BOC: variants seen among roughly 807,000 people sequenced by gnomAD.
BOC encodes BOC cell adhesion associated, oncogene regulated.
In BOC, 76 loss-of-function variants were observed where a neutral mutation model predicts 112.0. That is an observed-to-expected ratio of 0.68 (90% CI 0.56 to 0.82). The LOEUF (loss-of-function observed/expected upper bound fraction) is 0.82, where lower values mean the gene tolerates loss of function less well. Ranked by LOEUF, BOC falls within the 40% of genes least tolerant of loss-of-function variation. The pLI, the probability that BOC is intolerant of heterozygous loss-of-function variation, is 0.00. For missense variants in BOC, 1,309 were observed against 1,511.7 expected (o/e 0.87, Z 2.22); for synonymous variants, 580 against 599.8 (o/e 0.97, Z 0.48).
chr3:113,270,662 G>T, intron 5 of BOC, 139 bp from the exon 6 acceptor site: 1 of 937,594 alleles, frequency 1.1e-6, no homozygotes, highest in Non-Finnish European at 1.6e-6. Context: ...GCTTTGTCTT[G>T]TGGGGACTCA....
At chr3:113,216,550 A>G in intron 2 of BOC, 2 of 240,808 alleles carry the variant, frequency 8.3e-6, no homozygotes, top group Non-Finnish European at 1.7e-5. Flanking sequence ...TTGGAGTCCA[A>G]GCTTGCTGTG....
At chr3:113,282,141 A>C (rs992436728) in intron 15 of BOC, among the ~76,000 whole-genome samples, 1 of 152,096 alleles carries the variant, frequency 6.6e-6, no homozygotes, top group African/African-American at 2.4e-5. Flanking sequence ...AATGCCTAGG[A>C]AAGAGGCCAC....
chr3:113,243,516 A>C (rs1484088672), intron 2 of BOC, among the ~76,000 whole-genome samples: 1 of 152,234 alleles, frequency 6.6e-6, no homozygotes, highest in Non-Finnish European at 1.5e-5. Context: ...TTAGTTCTGC[A>C]GTGCATGTGT....
chr3:113,240,266 C>T (rs780374109), intron 2 of BOC, among the ~76,000 whole-genome samples: 12 of 152,204 alleles, frequency 7.9e-5, no homozygotes, highest in African/African-American at 1.9e-4. Flanking sequence ...ACAACAACAA[C>T]GAGCACAGTG....
Position 113,245,704 on chromosome 3 carries a change from A to C in BOC, c.-81-4018A>C, listed in dbSNP as rs531846766. ...TCATGTAGCTAGTCCCTCTCTACCA[A>C]TGGAACAAAAGACTTTGTCAGATCG... On this transcript the variant is annotated intron_variant, in intron 2 of 19. Coordinates refer to ENST00000682979, the MANE Select transcript of BOC (RefSeq NM_001378074.1). Among the ~76,000 whole-genome samples, 6 of 152,344 alleles carry C rather than the reference A, an allele frequency of 3.9e-5. No homozygotes were observed. In the South Asian group the frequency reaches 1.2e-3, roughly 32 times the overall value.
rs930028521 is a variant in BOC, at chr3:113,278,918, G to C, written c.1816+135G>C. The C allele has an allele frequency of 1.3e-6, 1 of 759,118 alleles. No individual in the cohort carries two copies. Among genetic ancestry groups the C allele is most frequent in the Non-Finnish European group, 2.1e-6 (1 of 471,684 alleles). 47.0% of individuals were successfully genotyped at this position (759,118 alleles called of 1,614,324 possible). On this transcript the variant is annotated intron_variant, in intron 11 of 19. Coordinates refer to ENST00000682979, the MANE Select transcript of BOC (RefSeq NM_001378074.1). This position sits in a 1 kb window ranked among gnomAD's most constrained non-coding sequence, Gnocchi z 4.2. ...ACATCTCCCAGTTAACCACAATGAG[G>C]AAATGTAGTTTGGAGCTTTTTAAAT...
chr3:113,240,399 C>T (rs1424583602), intron 2 of BOC, among the ~76,000 whole-genome samples: 1 of 152,208 alleles, frequency 6.6e-6, no homozygotes, highest in Non-Finnish European at 1.5e-5. Flanking sequence ...GCCACACATA[C>T]AGTAGGAGCC....
intron 9 of BOC, among the ~76,000 whole-genome samples, chr3:113,275,239 C>A (rs563043454): frequency 6.6e-6 from 1 of 152,188 alleles, no homozygotes; most frequent in Non-Finnish European, 1.5e-5. Context: ...GGCATTTGAG[C>A]TCAAAGCACA....
At chr3:113,247,767 GC>G in intron 2 of BOC, among the ~76,000 whole-genome samples, 1 of 152,194 alleles carries the variant, frequency 6.6e-6, no homozygotes, top group Non-Finnish European at 1.5e-5. Flanking sequence ...CACCACCACA[GC>G]CCCTCCCAAT....
chr3:113,255,160 G>C (rs1463230894), intron 4 of BOC, among the ~76,000 whole-genome samples: 1 of 152,044 alleles, frequency 6.6e-6, no homozygotes, highest in African/African-American at 2.4e-5. Context: ...AGATCATCTT[G>C]TCTAATTCTT....
intron 19 of BOC, 84 bp from the exon 20 acceptor site, chr3:113,286,591 C>A: frequency 8.2e-7 from 1 of 1,219,992 alleles, no homozygotes. Context: ...ACCTCCACCA[C>A]AGATAGAGAT....
In BOC at chr3:113,286,887, C is replaced by T. The variant is rs1162121785; in HGVS notation, c.*25C>T. 4.0e-6 allele frequency: 6 copies of T among 1,505,416 alleles called. No homozygotes were observed. The highest frequency in any genetic ancestry group is 1.5e-5 in the African/African-American group (1 of 68,126). The allele number at this position is 1,505,416 out of a possible 1,614,324, so 93.3% of individuals were successfully genotyped here. On this transcript the variant is annotated 3_prime_UTR_variant, in exon 20 of 20. Transcript: ENST00000682979. ...GGCAGAAGCTGATATCCCAGAAAGA[C>T]TATATATTGTTTTTTTTTTAAAAAA...
intron 6 of BOC, chr3:113,271,650 T>A (rs530391258): frequency 5.8e-6 from 1 of 173,370 alleles, no homozygotes; most frequent in South Asian, 1.4e-4. Context: ...TTTTGGGGCC[T>A]CCGAAACTGT....
chr3:113,214,441 C>T (rs1938929101), intron 1 of BOC, among the ~76,000 whole-genome samples: 1 of 152,152 alleles, frequency 6.6e-6, no homozygotes, highest in Admixed American at 6.5e-5. Context: ...TGTTCCGTGT[C>T]CCCTAGGGGG....
chr3:113,215,562 A>G (rs1939198933), intron 1 of BOC, among the ~76,000 whole-genome samples: 1 of 152,148 alleles, frequency 6.6e-6, no homozygotes, highest in South Asian at 2.1e-4. Flanking sequence ...TGCCACCACC[A>G]GACTTGTTGA....
At position 113,280,591 on chromosome 3, in the gene BOC, C is replaced by A; in HGVS notation, c.2239C>A (p.His747Asn). ...AGCAAGTAACAACAACACCCCAATCCATGGCTTTTATATCTATTATCGACC... is the reference window on the plus strand; with the variant it reads ...AGCAAGTAACAACAACACCCCAATCAATGGCTTTTATATCTATTATCGACC... ...IPASNNNTPI[H>N]GFYIYYRPTD... The change falls in exon 14 of 20, where the codon CAT (histidine) becomes AAT (asparagine). Residue 747 changes from histidine (H) to asparagine (N), a missense_variant. Transcript: ENST00000682979. 6.2e-7 allele frequency: 1 copy of A among 1,612,372 alleles called. No homozygotes were observed. Among genetic ancestry groups the A allele is most frequent in the Non-Finnish European group, 8.5e-7 (1 of 1,178,422 alleles).
At chr3:113,232,709 T>C (rs1456277501) in intron 2 of BOC, among the ~76,000 whole-genome samples, 3 of 152,218 alleles carry the variant, frequency 2.0e-5, no homozygotes, top group Non-Finnish European at 2.9e-5. Context: ...TTCTTAAATA[T>C]TTTTTGTGAA....
chr3:113,254,545 T>C (rs760993777), intron 4 of BOC, among the ~76,000 whole-genome samples: 2 of 152,194 alleles, frequency 1.3e-5, no homozygotes, highest in East Asian at 3.9e-4. Flanking sequence ...GGTTGGCTGA[T>C]GTATGAGGGA....
rs1371728137 is a variant in BOC, at chr3:113,286,984, C to T, written c.*122C>T. 1 of 1,003,190 alleles carries T rather than the reference C, an allele frequency of 1.0e-6. No homozygotes were observed. The highest frequency in any genetic ancestry group is 2.4e-5 in the Admixed American group (1 of 42,494). 62.1% of individuals were successfully genotyped at this position (1,003,190 alleles called of 1,614,324 possible). ...TTATAGCCATATTTATATATTTATG[C>T]ACTTGTAAATAAATGTATATGTTTT... On this transcript the variant is annotated 3_prime_UTR_variant, in exon 20 of 20. Coordinates refer to ENST00000682979, the MANE Select transcript of BOC (RefSeq NM_001378074.1).
Sources: allele counts gnomAD v4.1 joint callset (sites outside exome capture counted in the v4.1 genomes callset), GRCh38; gene constraint gnomAD v4.1.1; non-coding constraint Gnocchi (gnomAD v3.1); transcripts MANE v1.5; gene names NCBI Gene and HGNC (gene_info 2026-07-23, HGNC 2026-07-21).